SLC35F4: variants seen among roughly 807,000 people sequenced by gnomAD.
SLC35F4 encodes chromosome 14 open reading frame 36.
A neutral mutation model predicts 44.2 loss-of-function variants in SLC35F4; 24 were observed. That is an observed-to-expected ratio of 0.54 (90% CI 0.39 to 0.76). The LOEUF (loss-of-function observed/expected upper bound fraction) is 0.76, where lower values mean the gene tolerates loss of function less well. SLC35F4 is among the 30% of genes least tolerant of loss of function. The pLI is 0.00. For missense variants in SLC35F4, 562 were observed against 586.1 expected, an observed-to-expected ratio of 0.96 and a Z score of 0.42; for synonymous variants, 238 against 223.6, an observed-to-expected ratio of 1.06 and a Z score of -0.57.
intron 1 of SLC35F4, among the ~76,000 whole-genome samples, chr14:57,930,600 C>G (rs905908017): frequency 6.6e-6 from 1 of 152,026 alleles, no homozygotes; most frequent in Non-Finnish European, 1.5e-5. Flanking sequence ...TTTGGGTTTT[C>G]CCAAACATTT....
At chr14:57,906,091 T>G (rs1033332989) in intron 1 of SLC35F4, among the ~76,000 whole-genome samples, 1 of 152,158 alleles carries the variant, frequency 6.6e-6, no homozygotes, top group Admixed American at 6.5e-5. Context: ...TGCATCCCCC[T>G]GGTGACCAAA....
chr14:57,938,852 C>T (rs1889864223), intron 1 of SLC35F4, among the ~76,000 whole-genome samples: 1 of 151,798 alleles, frequency 6.6e-6, no homozygotes, highest in South Asian at 2.1e-4. Context: ...GACAGAAGGG[C>T]TGCAAAAAAA....
At chr14:57,649,891 C>T (rs2140195439) in intron 1 of SLC35F4, among the ~76,000 whole-genome samples, 1 of 152,294 alleles carries the variant, frequency 6.6e-6, no homozygotes, top group Middle Eastern at 3.4e-3. Context: ...GTGAGAAACA[C>T]TACCTGTGCC....
chr14:57,904,930 G>A (rs1889078473), intron 1 of SLC35F4, among the ~76,000 whole-genome samples: 1 of 152,170 alleles, frequency 6.6e-6, no homozygotes, highest in Non-Finnish European at 1.5e-5. Flanking sequence ...AGGCTATTTT[G>A]TGTCTTTATG....
chr14:57,959,331 C>T (rs527407019), intron 1 of SLC35F4, among the ~76,000 whole-genome samples: 38 of 152,084 alleles, frequency 2.5e-4, no homozygotes, highest in Non-Finnish European at 4.7e-4. Context: ...AACTTTAAGT[C>T]ACCTTGAGGA....
chr14:57,621,361 T>C (rs1193411886), intron 1 of SLC35F4, among the ~76,000 whole-genome samples: 2 of 151,878 alleles, frequency 1.3e-5, no homozygotes. Flanking sequence ...CATCGCCAAG[T>C]CAATCCCAAG....
chr14:57,685,682 G>T (rs1016797166), intron 1 of SLC35F4, among the ~76,000 whole-genome samples: 14 of 152,126 alleles, frequency 9.2e-5, no homozygotes, highest in African/African-American at 3.4e-4. Flanking sequence ...ATCCTAGTTG[G>T]TGTTCAAGAA....
intron 1 of SLC35F4, among the ~76,000 whole-genome samples, chr14:57,766,038 C>T (rs1045940983): frequency 1.3e-5 from 2 of 152,064 alleles, no homozygotes; most frequent in African/African-American, 4.8e-5. Context: ...AGAAGGTGAC[C>T]CCCTTTAGGT....
At chr14:57,911,879 T>C (rs977487611) in intron 1 of SLC35F4, among the ~76,000 whole-genome samples, 1 of 151,988 alleles carries the variant, frequency 6.6e-6, no homozygotes, top group African/African-American at 2.4e-5. Flanking sequence ...AACTGTTTGG[T>C]AGAGTTTACT....
chr14:57,653,922 G>A (rs1264659467), intron 1 of SLC35F4, among the ~76,000 whole-genome samples: 1 of 152,182 alleles, frequency 6.6e-6, no homozygotes, highest in Non-Finnish European at 1.5e-5. Flanking sequence ...AGGGCTGTGA[G>A]GAAGAATCTA....
chr14:57,942,125 C>T (rs1233162573), intron 1 of SLC35F4, among the ~76,000 whole-genome samples: 1 of 152,182 alleles, frequency 6.6e-6, no homozygotes, highest in East Asian at 1.9e-4. Flanking sequence ...AATATTCTGC[C>T]TCAAGAGTGA....
intron 1 of SLC35F4, among the ~76,000 whole-genome samples, chr14:57,725,353 A>G (rs2076177001): frequency 6.6e-6 from 1 of 152,182 alleles, no homozygotes; most frequent in South Asian, 2.1e-4. Context: ...ATATGGCACC[A>G]TTCCTCGGGG....
intron 1 of SLC35F4, among the ~76,000 whole-genome samples, chr14:57,865,070 C>A (rs1467424552): frequency 1.2e-5 from 1 of 80,426 alleles, no homozygotes; most frequent in Non-Finnish European, 2.7e-5. Flanking sequence ...CCCCCCCCCC[C>A]ACGCCCCCAG....
chr14:57,950,960 C>T (rs544238578), intron 1 of SLC35F4, among the ~76,000 whole-genome samples: 7 of 152,224 alleles, frequency 4.6e-5, no homozygotes, highest in South Asian at 4.2e-4. Flanking sequence ...CCACCACGCC[C>T]GGCCTGGATA....
intron 1 of SLC35F4, among the ~76,000 whole-genome samples, chr14:57,686,233 G>C (rs1034845957): frequency 6.6e-5 from 10 of 152,110 alleles, no homozygotes; most frequent in Non-Finnish European, 1.3e-4. Flanking sequence ...AAAATAGTTG[G>C]TGCTTCTTTG....
At position 57,630,573 on chromosome 14, in the gene SLC35F4, A is replaced by G; in HGVS notation, c.104-36449T>C. On this transcript the variant is annotated intron_variant, in intron 1 of 7. Coordinates refer to ENST00000556826, the MANE Select transcript of SLC35F4 (RefSeq NM_001306087.2). ...TATAAGTCTGGCTCAAGATATGAAA[A>G]GGAATTAGGGAAAAAAAGAACCACC... 2.0e-6 allele frequency: 2 copies of G among 1,019,704 alleles called. 1 individual carries two copies. The highest frequency in any genetic ancestry group is 2.5e-5 in the South Asian group (2 of 80,166). The allele number at this position is 1,019,704 out of a possible 1,614,324, so 63.2% of individuals were successfully genotyped here. A position where few individuals can be genotyped will look rare whatever the true frequency, so the allele number is the denominator to read the frequency against.
intron 1 of SLC35F4, among the ~76,000 whole-genome samples, chr14:57,977,862 G>A (rs1482243067): frequency 6.6e-6 from 1 of 152,174 alleles, no homozygotes; most frequent in African/African-American, 2.4e-5. Flanking sequence ...TCAATGGACA[G>A]AACTGGGACT....
At chr14:57,632,624 C>G (rs777076867) in intron 1 of SLC35F4, among the ~76,000 whole-genome samples, 13 of 152,084 alleles carry the variant, frequency 8.5e-5, no homozygotes, top group Non-Finnish European at 1.8e-4. Context: ...TTGGTTACAA[C>G]TGATGAACCT....
In SLC35F4 at chr14:57,783,063, C is replaced by T. The variant is rs2077665625; in HGVS notation, c.103+82660G>A. Among the ~76,000 whole-genome samples, 2 of 151,978 alleles carry T rather than the reference C, an allele frequency of 1.3e-5. 1 individual carries two copies. Among genetic ancestry groups the T allele is most frequent in the South Asian group, 4.2e-4 (2 of 4,818 alleles). The stretch of plus-strand genomic sequence containing the variant: ...CAGCTATACCAGCAGCCATGAAAAC[C>T]TTGCATTTTTTGCAAGTTACCTTTT... On this transcript the variant is annotated intron_variant, in intron 1 of 7. Coordinates refer to ENST00000556826, the MANE Select transcript of SLC35F4 (RefSeq NM_001306087.2).
Sources: allele counts gnomAD v4.1 joint callset (sites outside exome capture counted in the v4.1 genomes callset), GRCh38; gene constraint gnomAD v4.1.1; transcripts MANE v1.5; gene names NCBI Gene and HGNC (gene_info 2026-07-23, HGNC 2026-07-21).